Variants in UBE2G1 observed in about 807,000 individuals in gnomAD.
UBE2G1 encodes the protein ubiquitin-conjugating enzyme E2 G1.
A neutral mutation model predicts 22.7 loss-of-function variants in UBE2G1; 5 were observed. The observed-to-expected ratio is 0.22, with a 90% CI of 0.12 to 0.46. The LOEUF (loss-of-function observed/expected upper bound fraction) is 0.46, where lower values mean the gene tolerates loss of function less well. Ranked by LOEUF, UBE2G1 falls within the 20% of genes least tolerant of loss-of-function variation. UBE2G1 has a pLI of 0.99. For missense variants in UBE2G1, 88 were observed against 203.9 expected, an observed-to-expected ratio of 0.43 and a Z score of 3.46; for synonymous variants, 74 against 67.5, an observed-to-expected ratio of 1.10 and a Z score of -0.47.
At chr17:4,275,891 C>T (rs934150892) in intron 5 of UBE2G1, among the ~76,000 whole-genome samples, 1 of 152,206 alleles carries the variant, frequency 6.6e-6, no homozygotes, top group Non-Finnish European at 1.5e-5. Context: ...CCGTGCTGCT[C>T]GTCGTCTTCT....
At chr17:4,303,989 A>G (rs1157737622) in intron 2 of UBE2G1, among the ~76,000 whole-genome samples, 3 of 152,214 alleles carry the variant, frequency 2.0e-5, no homozygotes, top group African/African-American at 4.8e-5. Flanking sequence ...AAATGTTATA[A>G]TGATACAGTG....
At chr17:4,304,959 T>TG (rs1269522971) in intron 2 of UBE2G1, among the ~76,000 whole-genome samples, 2 of 151,664 alleles carry the variant, frequency 1.3e-5, no homozygotes, top group African/African-American at 4.9e-5. Flanking sequence ...AGAACTTTTT[T>TG]TTTTTTTTTT....
chr17:4,319,548 A>G (rs1193829074), intron 1 of UBE2G1, among the ~76,000 whole-genome samples: 1 of 152,226 alleles, frequency 6.6e-6, no homozygotes, highest in Non-Finnish European at 1.5e-5. Flanking sequence ...CAGCCTGGAC[A>G]ACACAGGGAG....
chr17:4,357,483 T>C (rs777133544), intron 1 of UBE2G1, among the ~76,000 whole-genome samples: 89 of 109,968 alleles, frequency 8.1e-4, no homozygotes, highest in Middle Eastern at 5.7e-3. Flanking sequence ...TCAGATGTCA[T>C]CACTCGGTTG....
chr17:4,323,355 A>G (rs1445819383), intron 1 of UBE2G1, among the ~76,000 whole-genome samples: 2 of 152,246 alleles, frequency 1.3e-5, no homozygotes, highest in East Asian at 1.9e-4. Context: ...TTAAATATCA[A>G]TTACTGATGC....
intron 1 of UBE2G1, among the ~76,000 whole-genome samples, chr17:4,311,168 A>G (rs1834775218): frequency 6.6e-6 from 1 of 152,238 alleles, no homozygotes; most frequent in Non-Finnish European, 1.5e-5. Flanking sequence ...CGGAGGTTGC[A>G]GTGACCTCAG....
Position 4,365,062 on chromosome 17 carries a change from C to T in UBE2G1, c.46+1209G>A, listed in dbSNP as rs369409201. 7.7e-4 allele frequency among the ~76,000 whole-genome samples: 117 copies of T among 152,332 alleles called. 3 individuals are homozygous for T. The East Asian group carries it at 0.016, about 21-fold the overall frequency. ...CTGTAAGAACCCCTGACAACCTTTTCCTTAAGAAGCCATAAAGGTGATTTA... is the reference window on the plus strand; with the variant it reads ...CTGTAAGAACCCCTGACAACCTTTTTCTTAAGAAGCCATAAAGGTGATTTA... On this transcript the variant is annotated intron_variant, in intron 1 of 5. Transcript: ENST00000396981.
At position 4,287,013 on chromosome 17, in the gene UBE2G1, T is replaced by C. The variant is rs1273046138; in HGVS notation, c.426+2217A>G. Among the ~76,000 whole-genome samples, 3 of 152,052 alleles carry C rather than the reference T, an allele frequency of 2.0e-5. No individual in the cohort carries two copies. In the East Asian group the frequency reaches 5.8e-4, roughly 29 times the overall value. Reference sequence around the variant, plus strand: ...TTGCAGTGAGGTGAGATCACGCCACTGCACTCCAGCCTGGGCATCAGAGCA... The same window carrying C: ...TTGCAGTGAGGTGAGATCACGCCACCGCACTCCAGCCTGGGCATCAGAGCA... On this transcript the variant is annotated intron_variant, in intron 4 of 5. Coordinates refer to ENST00000396981, the MANE Select transcript of UBE2G1 (RefSeq NM_003342.5).
intron 5 of UBE2G1, among the ~76,000 whole-genome samples, chr17:4,275,474 T>C (rs1968810525): frequency 6.6e-6 from 1 of 152,220 alleles, no homozygotes; most frequent in South Asian, 2.1e-4. Context: ...TATGCCTGCT[T>C]TTTAACCTAA....
chr17:4,284,286 A>C (rs940331058), intron 4 of UBE2G1, among the ~76,000 whole-genome samples: 3 of 152,024 alleles, frequency 2.0e-5, no homozygotes, highest in Non-Finnish European at 4.4e-5. Flanking sequence ...TTATATAAAT[A>C]TACTGAAGAA....
intron 2 of UBE2G1, among the ~76,000 whole-genome samples, chr17:4,298,915 G>T (rs1054798760): frequency 6.6e-6 from 1 of 152,176 alleles, no homozygotes; most frequent in Admixed American, 6.5e-5. Context: ...AGGGAATAGA[G>T]ACTGGAATAG....
intron 1 of UBE2G1, among the ~76,000 whole-genome samples, chr17:4,319,107 T>C (rs1380462742): frequency 1.3e-5 from 2 of 152,206 alleles, no homozygotes; most frequent in African/African-American, 4.8e-5. Flanking sequence ...AAAGGAGATT[T>C]ACATAAGTTA....
chr17:4,277,988 C>T (rs1312507436), intron 5 of UBE2G1, among the ~76,000 whole-genome samples: 1 of 152,126 alleles, frequency 6.6e-6, no homozygotes, highest in African/African-American at 2.4e-5. Flanking sequence ...CAGCCTCTGC[C>T]TCCGGGATTC....
intron 1 of UBE2G1, among the ~76,000 whole-genome samples, chr17:4,311,754 G>A (rs1969312697): frequency 6.6e-6 from 1 of 152,178 alleles, no homozygotes; most frequent in Non-Finnish European, 1.5e-5. Flanking sequence ...ACACCACTGA[G>A]TGGTACACTT....
intron 1 of UBE2G1, among the ~76,000 whole-genome samples, chr17:4,340,710 T>C (rs1969701238): frequency 1.3e-5 from 2 of 152,164 alleles, no homozygotes; most frequent in African/African-American, 4.8e-5. Context: ...TTATAAATTA[T>C]CCAGTCTCGG....
intron 3 of UBE2G1, among the ~76,000 whole-genome samples, chr17:4,294,243 C>T (rs911883071): frequency 1.3e-5 from 2 of 151,940 alleles, no homozygotes; most frequent in African/African-American, 4.8e-5. Context: ...TGGTGAAACC[C>T]CGACTCTACT....
At chr17:4,295,211 C>G (rs1457480969) in intron 3 of UBE2G1, among the ~76,000 whole-genome samples, 1 of 152,198 alleles carries the variant, frequency 6.6e-6, no homozygotes, top group African/African-American at 2.4e-5. Flanking sequence ...AAAGCCAAAG[C>G]ACAAGAGGCA....
At chr17:4,285,411 C>T (rs1968950559) in intron 4 of UBE2G1, among the ~76,000 whole-genome samples, 1 of 152,026 alleles carries the variant, frequency 6.6e-6, no homozygotes, top group Non-Finnish European at 1.5e-5. Context: ...TTGATTTTCT[C>T]CCTATAATAT....
intron 1 of UBE2G1, among the ~76,000 whole-genome samples, chr17:4,362,111 T>C (rs974698353): frequency 9.9e-5 from 15 of 152,220 alleles, no homozygotes; most frequent in Non-Finnish European, 2.1e-4. Flanking sequence ...TAAAATGTTT[T>C]AAAAGTATCT....
Sources: allele counts gnomAD v4.1 joint callset (sites outside exome capture counted in the v4.1 genomes callset), GRCh38; gene constraint gnomAD v4.1.1; transcripts MANE v1.5; gene names NCBI Gene and HGNC (gene_info 2026-07-23, HGNC 2026-07-21).